NEU4: variants seen among roughly 807,000 people sequenced by gnomAD.
The protein encoded by NEU4 is neuraminidase 4.
In NEU4, 7 loss-of-function variants were observed where a neutral mutation model predicts 9.9. That is an observed-to-expected ratio of 0.71 (90% CI 0.40 to 1.33). NEU4 has a LOEUF of 1.33. Among genes scored for constraint, NEU4 ranks in the 40% most tolerant of loss-of-function variants. The pLI is 0.01. For synonymous variants in NEU4, 348 were observed against 316.9 expected (o/e 1.10, Z -1.04); for missense variants, 717 against 712.6 (o/e 1.01, Z -0.07).
At chr2:241,814,030 C>T (rs1700212191) in intron 1 of NEU4, 1 of 402,558 alleles carries the variant, frequency 2.5e-6, no homozygotes, top group Non-Finnish European at 5.2e-6. Context: ...GTGCTGTGGC[C>T]TCTATTCTGG....
At chr2:241,815,418 C>A (rs1317716262) in intron 3 of NEU4, 1 of 597,412 alleles carries the variant, frequency 1.7e-6, no homozygotes, top group Non-Finnish European at 3.1e-6. Context: ...CCAGGACCGT[C>A]CTGCACCTCC....
chr2:241,813,333 C>T, intron 1 of NEU4: 1 of 1,052,346 alleles, frequency 9.5e-7, no homozygotes, highest in Non-Finnish European at 1.2e-6. Flanking sequence ...CTTCCCTTAG[C>T]CCCGCATCCA....
chr2:241,816,520 C>G lies in NEU4; in HGVS notation c.927C>G (p.Leu309=). The stretch of plus-strand genomic sequence containing the variant: ...GGAGTCCCCTCCAGCCTCCACTCCT[C>G]GGTCCTGGAGTCCACGAACCCCCAG... The part of the protein sequence containing the change: ...GPGSPLQPPL[L]GPGVHEPPEE... Residue 309 remains leucine (L), a synonymous_variant, in exon 4 of 4, where the codon CTC becomes CTG. Coordinates refer to ENST00000407683, the MANE Select transcript of NEU4 (RefSeq NM_001167600.3). The G allele has an allele frequency of 6.2e-7, 1 of 1,611,562 alleles. No individual in the cohort carries two copies. The highest frequency in any genetic ancestry group is 2.2e-5 in the East Asian group (1 of 44,846).
intron 1 of NEU4, 28 bp downstream of exon 1, chr2:241,809,302 G>A: frequency 1.6e-6 from 2 of 1,254,096 alleles, no homozygotes; most frequent in African/African-American, 1.5e-5. Flanking sequence ...AGAAATTTGG[G>A]GTCTTTCTGG....
At chr2:241,812,482 C>A (rs1700153387) in intron 1 of NEU4, among the ~76,000 whole-genome samples, 1 of 115,490 alleles carries the variant, frequency 8.7e-6, no homozygotes, top group African/African-American at 2.9e-5. Flanking sequence ...GACAGAGGGG[C>A]CTGCCGAGGA....
Position 241,816,683 on chromosome 2 carries a change from C to A in NEU4, c.1090C>A (p.Leu364Ile). Residue 364 changes from leucine (L) to isoleucine (I), a missense_variant, in exon 4 of 4, where the codon CTC becomes ATC. Leu to Ile is a conservative substitution (Grantham distance 5). Transcript: ENST00000407683. ...SGDVGSWTLA[L>I]PMPFAAPPQS... ...GGATGTGGGGTCCTGGACCCTGGCA[C>A]TCCCCATGCCCTTTGCTGCCCCGCC... The A allele has an allele frequency of 6.6e-7, 1 of 1,523,816 alleles. No individual in the cohort carries two copies. Among genetic ancestry groups the A allele is most frequent in the South Asian group, 1.3e-5 (1 of 77,624 alleles). The allele number at this position is 1,523,816 out of a possible 1,614,324, so 94.4% of individuals were successfully genotyped here.
intron 1 of NEU4, chr2:241,811,380 C>G: frequency 1.3e-6 from 2 of 1,496,498 alleles, no homozygotes; most frequent in South Asian, 1.3e-5. Flanking sequence ...GCCTGCTGCC[C>G]GCACAGTGGG....
chr2:241,812,062 AGAGGGTGTGCGCGGAC>A (rs1700133251), intron 1 of NEU4: 1 of 72,342 alleles, frequency 1.4e-5, no homozygotes, highest in Non-Finnish European at 2.8e-5. Context: ...TGCTGACCCC[AGAGGGTGTGCGCGGAC>A]CCCAGAGGGT....
intron 1 of NEU4, chr2:241,814,101 TG>T: frequency 1.8e-6 from 1 of 545,562 alleles, no homozygotes; most frequent in African/African-American, 1.9e-5. Flanking sequence ...GACCTCCTGC[TG>T]GGCGAATTCT....
At position 241,817,036 on chromosome 2, in the gene NEU4, C is replaced by T. The variant is rs1372670621; in HGVS notation, c.1443C>T (p.Cys481=). 1 of 1,589,024 alleles carries T rather than the reference C, an allele frequency of 6.3e-7. No homozygotes were observed. The highest frequency in any genetic ancestry group is 2.2e-5 in the East Asian group (1 of 44,656). Reference sequence around the variant, plus strand: ...TTGGGGACAAGCCTCGGGGGTGCTGCTGGCCCTCCTGACAGGCCTTCTGGC... The same window carrying T: ...TTGGGGACAAGCCTCGGGGGTGCTGTTGGCCCTCCTGACAGGCCTTCTGGC... ...PNLGDKPRGC[C]WPS Residue 481 remains cysteine (C), a synonymous_variant, in exon 4 of 4, where the codon TGC becomes TGT. Coordinates refer to ENST00000407683, the MANE Select transcript of NEU4 (RefSeq NM_001167600.3).
intron 1 of NEU4, chr2:241,810,349 C>G (rs916589723): frequency 6.7e-6 from 1 of 148,828 alleles, no homozygotes; most frequent in African/African-American, 2.6e-5. Context: ...CTGGGGCCCA[C>G]CCCTCCTGCT....
rs772573513 is a variant in NEU4, at chr2:241,814,943, A to G, written c.253A>G (p.Met85Val). 7 of 1,612,120 alleles carry G rather than the reference A, an allele frequency of 4.3e-6. No individual in the cohort carries two copies. The highest frequency in any genetic ancestry group is 2.2e-5 in the East Asian group (1 of 44,876). Reference sequence around the variant, plus strand: ...AGCAGCCCTGGCGGAGCACCGGTCCATGAACCCCTGCCCTGTGCACGATGC... The same window carrying G: ...AGCAGCCCTGGCGGAGCACCGGTCCGTGAACCCCTGCCCTGTGCACGATGC... Reference protein sequence around the residue: ...GTAALAEHRSMNPCPVHDAGT... With the variant: ...GTAALAEHRSVNPCPVHDAGT... The change falls in exon 3 of 4, where the codon ATG (methionine) becomes GTG (valine). Residue 85 changes from methionine to valine, a missense_variant. Physicochemically the swap from Met to Val is conservative, Grantham distance 21 (BLOSUM62 1). Coordinates refer to ENST00000407683, the MANE Select transcript of NEU4 (RefSeq NM_001167600.3).
rs1700393280 is a variant in NEU4, at chr2:241,817,413, G to C, written c.*365G>C. On this transcript the variant is annotated 3_prime_UTR_variant, in exon 4 of 4. Coordinates refer to ENST00000407683, the MANE Select transcript of NEU4 (RefSeq NM_001167600.3). ...AATAAAGGAATCGTGCTTGTGTCGG[G>C]GTAGACGTTTCTTTCCTTTTCAGGT... is the stretch of plus-strand genomic sequence containing the variant. The C allele has an allele frequency of 3.2e-6, 1 of 312,132 alleles. No homozygotes were observed. The highest frequency in any genetic ancestry group is 5.4e-5 in the East Asian group (1 of 18,600). 19.3% of individuals were successfully genotyped at this position (312,132 alleles called of 1,614,324 possible).
At chr2:241,812,570 ACTGAGCACGG>A (rs1700163875) in intron 1 of NEU4, among the ~76,000 whole-genome samples, 35 of 58,514 alleles carry the variant, frequency 6.0e-4, no homozygotes, top group African/African-American at 1.4e-3. Flanking sequence ...GCCTGGCCAC[ACTGAGCACGG>A]CTGGTCCCCC....
At position 241,811,515 on chromosome 2, in the gene NEU4, C is replaced by T. The variant is rs181497423; in HGVS notation, c.-4+2241C>T. On this transcript the variant is annotated intron_variant, in intron 1 of 3. Transcript: ENST00000407683. ...ACCCTCACCCCTCTACCCGGGCGCC[C>T]GGGGTCAGGACCCGCTCCTGAGGTA... 593 of 1,431,956 alleles carry T rather than the reference C, an allele frequency of 4.1e-4. No individual in the cohort carries two copies. The African/African-American group carries it at 6.5e-3, about 16-fold the overall frequency. The allele number at this position is 1,431,956 out of a possible 1,614,324, so 88.7% of individuals were successfully genotyped here.
At chr2:241,811,989 G>A (rs1049753004) in intron 1 of NEU4, 1 of 154,184 alleles carries the variant, frequency 6.5e-6, no homozygotes, top group African/African-American at 2.4e-5. Context: ...TTATGTGGGT[G>A]CATGTGAATG....
chr2:241,814,990 C>T lies in NEU4; in HGVS notation c.300C>T (p.Leu100=). 6.2e-7 allele frequency: 1 copy of T among 1,609,220 alleles called. No individual in the cohort carries two copies. The highest frequency in any genetic ancestry group is 8.5e-7 in the Non-Finnish European group (1 of 1,179,580). The change falls in exon 3 of 4, where the codon CTC becomes CTT. Residue 100 remains leucine (L), a synonymous_variant. Coordinates refer to ENST00000407683, the MANE Select transcript of NEU4 (RefSeq NM_001167600.3). ...ATGCTGGCACGGGCACCGTCTTCCTCTTCTTCATCGCGGTGCTGGGCCACA... is the reference window on the plus strand; with the variant it reads ...ATGCTGGCACGGGCACCGTCTTCCTTTTCTTCATCGCGGTGCTGGGCCACA... ...VHDAGTGTVF[L]FFIAVLGHTP...
At chr2:241,815,555 C>A (rs772696458) in intron 3 of NEU4, 5 of 503,186 alleles carry the variant, frequency 9.9e-6, no homozygotes, top group Non-Finnish European at 2.0e-5. Flanking sequence ...GAAGGCTGGA[C>A]GCTGAGGTGT....
chr2:241,815,197 C>CA (rs756607867), intron 3 of NEU4, 50 bp downstream of exon 3: 1 of 1,487,714 alleles, frequency 6.7e-7, no homozygotes. Flanking sequence ...CCACGGTCCA[C>CA]ATGGAAGGGA....
Sources: allele counts gnomAD v4.1 joint callset (sites outside exome capture counted in the v4.1 genomes callset), GRCh38; gene constraint gnomAD v4.1.1; transcripts MANE v1.5; gene names NCBI Gene and HGNC (gene_info 2026-07-23, HGNC 2026-07-21).